Variants in SEPHS2 observed in about 807,000 individuals in gnomAD.
The protein encoded by SEPHS2 is selenophosphate synthetase 2.
In SEPHS2, 11 loss-of-function variants were observed where a neutral mutation model predicts 23.9. The ratio of observed to expected loss-of-function variants is 0.46; its 90% confidence interval spans 0.29 to 0.76. SEPHS2 has a LOEUF of 0.76. SEPHS2 is among the 30% of genes least tolerant of loss of function. The pLI is 0.10. For missense variants in SEPHS2, 541 were observed against 592.5 expected (o/e 0.91, Z 0.90); for synonymous variants, 239 against 247.5 (o/e 0.97, Z 0.32).
In SEPHS2 at chr16:30,445,695, T is replaced by C. The variant is rs933873406; in HGVS notation, c.33A>G (p.Gly11=). The C allele has an allele frequency of 1.3e-6, 2 of 1,538,640 alleles. No individual in the cohort carries two copies. Among genetic ancestry groups the C allele is most frequent in the Non-Finnish European group, 1.7e-6 (2 of 1,145,552 alleles). Residue 11 remains glycine, a synonymous_variant, in exon 1 of 1, where the codon GGA becomes GGG. Transcript: ENST00000478753. MAEASATGAC[G]EAMAAAEGSS... is the part of the protein sequence containing the mutation. ...AGCCTTCCGCCGCTGCCATCGCCTC[T>C]CCGCAGGCGCCCGTCGCCGAGGCTT...
At position 30,445,107 on chromosome 16, in the gene SEPHS2, C is replaced by A; in HGVS notation, c.621G>T (p.Gly207=). ...CCGTTTGCCCACCGGTCACTGCCGT[C>A]CCTCCTTCCTCAGCCGCATCCCGAA... is the stretch of plus-strand genomic sequence containing the variant. ...KGFRDAAEEG[G]TAVTGGQTVV... is the part of the protein sequence containing the mutation. The change falls in exon 1 of 1, where the codon GGG becomes GGT. Residue 207 remains glycine, a synonymous_variant. Coordinates refer to ENST00000478753, the MANE Select transcript of SEPHS2 (RefSeq NM_012248.4). 1 of 1,602,046 alleles carries A rather than the reference C, an allele frequency of 6.2e-7. No homozygotes were observed. The highest frequency in any genetic ancestry group is 8.5e-7 in the Non-Finnish European group (1 of 1,172,406).
At position 30,444,495 on chromosome 16, in the gene SEPHS2, G is replaced by C. The variant is rs778217945; in HGVS notation, c.1233C>G (p.Asn411Lys). 6.2e-7 allele frequency: 1 copy of C among 1,611,030 alleles called. No individual in the cohort carries two copies. ...GCTTGTCAATGATCCGGGCCGTTCG[G>C]TTTCCCTTTTCCACAATGCCAACGA... ...AWIVGIVEKG[N>K]RTARIIDKPR... The change falls in exon 1 of 1, where the codon AAC becomes AAG. Residue 411 changes from asparagine (N) to lysine (K), a missense_variant. Transcript: ENST00000478753. The surrounding 1 kb of genome is among the most constrained non-coding windows in gnomAD (Gnocchi z 4.0).
chr16:30,445,399 G>A lies in SEPHS2; in HGVS notation c.329C>T (p.Pro110Leu), dbSNP rs757450317. 90 of 1,601,626 alleles carry A rather than the reference G, an allele frequency of 5.6e-5. No individual in the cohort carries two copies. Among genetic ancestry groups the A allele is most frequent in the Non-Finnish European group, 7.0e-5 (82 of 1,176,116 alleles). The change falls in exon 1 of 1, where the codon CCC becomes CTC. Residue 110 changes from proline to leucine, a missense_variant. Pro to Leu is a moderately conservative substitution (Grantham distance 98, BLOSUM62 -3). Transcript: ENST00000478753. ...CCCGATGCCCAGGGCTGGAAAGGTG[G>A]GGCTGGGGCCCGCTCCTGCCGGCAG... ...AGLPAGAGPS[P>L]TFPALGIGMD... is the part of the protein sequence containing the mutation.
chr16:30,445,762 G>C lies in SEPHS2; in HGVS notation c.-35C>G. ...CCGGCAGGGAAGCGAGAGGAGAAGAGGGCCCTTTTATTTTCCACTCAGATT... is the reference window on the plus strand; with the variant it reads ...CCGGCAGGGAAGCGAGAGGAGAAGACGGCCCTTTTATTTTCCACTCAGATT... On this transcript the variant is annotated 5_prime_UTR_variant, in exon 1 of 1. Transcript: ENST00000478753. 1 of 1,522,290 alleles carries C rather than the reference G, an allele frequency of 6.6e-7. No individual in the cohort carries two copies. Among genetic ancestry groups the C allele is most frequent in the Non-Finnish European group, 8.8e-7 (1 of 1,137,060 alleles). 94.3% of individuals were successfully genotyped at this position (1,522,290 alleles called of 1,614,324 possible).
chr16:30,444,667 C>G lies in SEPHS2; in HGVS notation c.1061G>C (p.Ser354Thr). Residue 354 changes from serine (S) to threonine (T), a missense_variant, in exon 1 of 1, where the codon AGC (serine) becomes ACC (threonine). By Grantham distance (58) the Ser-to-Thr change is moderately conservative (BLOSUM62 1). This residue lies in a region of SEPHS2 where 224 missense variants were observed against 237.4 expected (regional missense o/e 0.94). Transcript: ENST00000478753. This position sits in a 1 kb window ranked among gnomAD's most constrained non-coding sequence, Gnocchi z 4.0. Reference protein sequence around the residue: ...LPIIAKMAAVSKASGRFGLLQ... With the variant: ...LPIIAKMAAVTKASGRFGLLQ... ...AAGCCCAAACCGTCCACTGGCCTTG[C>G]TGACGGCAGCCATCTTGGCAATTAT... 8 of 1,610,552 alleles carry G rather than the reference C, an allele frequency of 5.0e-6. No individual in the cohort carries two copies.
In SEPHS2 at chr16:30,445,638, C is replaced by A; in HGVS notation, c.90G>T (p.Arg30=). The A allele has an allele frequency of 6.5e-7, 1 of 1,534,616 alleles. No homozygotes were observed. The highest frequency in any genetic ancestry group is 8.7e-7 in the Non-Finnish European group (1 of 1,145,926). ...CGAAGGGCCGGTAGTTCGAGAAGCT[C>A]CGGCCCAGAGTCAAGCCCGCCGGGC... The part of the protein sequence containing the change: ...SSGPAGLTLG[R]SFSNYRPFEP... Residue 30 remains arginine, a synonymous_variant, in exon 1 of 1, where the codon CGG becomes CGT. Transcript: ENST00000478753.
In SEPHS2 at chr16:30,445,630, G is replaced by C. The variant is rs1372182077; in HGVS notation, c.98C>G (p.Ser33Trp). ...PAGLTLGRSF[S>W]NYRPFEPQAL... is the part of the protein sequence containing the mutation. ...CTGGGGCTCGAAGGGCCGGTAGTTCGAGAAGCTCCGGCCCAGAGTCAAGCC... is the reference window on the plus strand; with the variant it reads ...CTGGGGCTCGAAGGGCCGGTAGTTCCAGAAGCTCCGGCCCAGAGTCAAGCC... Residue 33 changes from serine to tryptophan, a missense_variant, in exon 1 of 1, where the codon TCG becomes TGG. Ser to Trp is a radical substitution (Grantham distance 177). Around this residue, in one of 3 missense-constraint regions of SEPHS2, gnomAD observed 207 missense variants for 182.2 expected, o/e 1.14. Coordinates refer to ENST00000478753, the MANE Select transcript of SEPHS2 (RefSeq NM_012248.4). 3 of 1,534,522 alleles carry C rather than the reference G, an allele frequency of 2.0e-6. No homozygotes were observed. Among genetic ancestry groups the C allele is most frequent in the African/African-American group, 2.7e-5 (2 of 72,882 alleles).
Position 30,445,846 on chromosome 16 carries a change from G to A in SEPHS2, c.-119C>T, listed in dbSNP as rs767460308. ...GATTCTCCCTAGCGCTACTCAAGCCGTCAGACCCACGGCATGCACAATCTT... is the reference window on the plus strand; with the variant it reads ...GATTCTCCCTAGCGCTACTCAAGCCATCAGACCCACGGCATGCACAATCTT... On this transcript the variant is annotated 5_prime_UTR_variant, in exon 1 of 1. The change creates a new upstream start codon in the 5' untranslated region. Coordinates refer to ENST00000478753, the MANE Select transcript of SEPHS2 (RefSeq NM_012248.4). The A allele has an allele frequency of 1.4e-5, 19 of 1,314,086 alleles. No individual in the cohort carries two copies. The highest frequency in any genetic ancestry group is 4.7e-5 in the African/African-American group (3 of 63,630). The allele number at this position is 1,314,086 out of a possible 1,614,324, so 81.4% of individuals were successfully genotyped here. A position where few individuals can be genotyped will look rare whatever the true frequency, so the allele number is the denominator to read the frequency against.
In SEPHS2 at chr16:30,445,410, C is replaced by A. The variant is rs1164570746; in HGVS notation, c.318G>T (p.Ala106=). 1 of 1,592,304 alleles carries A rather than the reference C, an allele frequency of 6.3e-7. No individual in the cohort carries two copies. ...GGGCTGGAAAGGTGGGGCTGGGGCC[C>A]GCTCCTGCCGGCAGGCCGGCTTCCT... ...ASQEAGLPAG[A]GPSPTFPALG... Residue 106 remains alanine (A), a synonymous_variant, in exon 1 of 1, where the codon GCG becomes GCT. Coordinates refer to ENST00000478753, the MANE Select transcript of SEPHS2 (RefSeq NM_012248.4).
Position 30,445,101 on chromosome 16 carries a change from T to A in SEPHS2, c.627A>T (p.Ala209=). The A allele has an allele frequency of 6.3e-7, 1 of 1,599,724 alleles. No homozygotes were observed. The highest frequency in any genetic ancestry group is 1.1e-5 in the South Asian group (1 of 88,774). ...FRDAAEEGGT[A]VTGGQTVVNP... ...TGACCACCGTTTGCCCACCGGTCAC[T>A]GCCGTCCCTCCTTCCTCAGCCGCAT... The change falls in exon 1 of 1, where the codon GCA becomes GCT. Residue 209 remains alanine, a synonymous_variant. Coordinates refer to ENST00000478753, the MANE Select transcript of SEPHS2 (RefSeq NM_012248.4).
In SEPHS2 at chr16:30,444,317, C is replaced by A; in HGVS notation, c.*64G>T. On this transcript the variant is annotated 3_prime_UTR_variant, in exon 1 of 1. Transcript: ENST00000478753. This position sits in a 1 kb window ranked among gnomAD's most constrained non-coding sequence, Gnocchi z 4.0. ...CTTTGGAAATTTCTTACAATCAACT[C>A]TTGAGAACCATCCGTGATTGTGGAC... The A allele has an allele frequency of 1.3e-6, 2 of 1,496,914 alleles. No individual in the cohort carries two copies. The highest frequency in any genetic ancestry group is 1.4e-5 in the African/African-American group (1 of 71,534). The allele number at this position is 1,496,914 out of a possible 1,614,324, so 92.7% of individuals were successfully genotyped here.
In SEPHS2 at chr16:30,445,835, C is replaced by A. The variant is rs1005775548; in HGVS notation, c.-108G>T. 1.6e-5 allele frequency: 22 copies of A among 1,378,396 alleles called. No individual in the cohort carries two copies. The highest frequency in any genetic ancestry group is 2.8e-5 in the East Asian group (1 of 35,524). The allele number at this position is 1,378,396 out of a possible 1,614,324, so 85.4% of individuals were successfully genotyped here. A position where few individuals can be genotyped will look rare whatever the true frequency, so the allele number is the denominator to read the frequency against. On this transcript the variant is annotated 5_prime_UTR_variant, in exon 1 of 1. Coordinates refer to ENST00000478753, the MANE Select transcript of SEPHS2 (RefSeq NM_012248.4). The stretch of plus-strand genomic sequence containing the variant: ...TTACCTGCAGGGATTCTCCCTAGCG[C>A]TACTCAAGCCGTCAGACCCACGGCA...
Position 30,445,534 on chromosome 16 carries a change from G to T in SEPHS2, c.194C>A (p.Pro65Gln). 6.5e-7 allele frequency: 1 copy of T among 1,535,002 alleles called. No homozygotes were observed. The highest frequency in any genetic ancestry group is 2.4e-5 in the East Asian group (1 of 41,086). ...CAGGAGTTTGAGCAGCGCCTCCTGC[G>T]GGACCTTGCAGCCTCAGCCCTTCAT... ...SGMKGUGCKV[P>Q]QEALLKLLAG... Residue 65 changes from proline to glutamine, a missense_variant, in exon 1 of 1, where the codon CCG becomes CAG. Physicochemically the swap from Pro to Gln is moderately conservative, Grantham distance 76. Coordinates refer to ENST00000478753, the MANE Select transcript of SEPHS2 (RefSeq NM_012248.4).
chr16:30,444,940 T>A lies in SEPHS2; in HGVS notation c.788A>T (p.His263Leu). Reference sequence around the variant, plus strand: ...TCTTTCAGGATTATCCAGCCATTGGTGGGCATTGACAGCAACCTGGGTTCC... The same window carrying A: ...TCTTTCAGGATTATCCAGCCATTGGAGGGCATTGACAGCAACCTGGGTTCC... Reference protein sequence around the residue: ...PLGTQVAVNAHQWLDNPERWN... With the variant: ...PLGTQVAVNALQWLDNPERWN... Residue 263 changes from histidine (H) to leucine (L), a missense_variant, in exon 1 of 1, where the codon CAC (histidine) becomes CTC (leucine). This residue lies in a region of SEPHS2 where 224 missense variants were observed against 237.4 expected (regional missense o/e 0.94). Transcript: ENST00000478753. The surrounding 1 kb of genome is among the most constrained non-coding windows in gnomAD (Gnocchi z 4.0). 1 of 1,614,168 alleles carries A rather than the reference T, an allele frequency of 6.2e-7. No homozygotes were observed. The highest frequency in any genetic ancestry group is 8.5e-7 in the Non-Finnish European group (1 of 1,180,044).
In SEPHS2 at chr16:30,444,819, T is replaced by G; in HGVS notation, c.909A>C (p.Ala303=). The stretch of plus-strand genomic sequence containing the variant: ...GGGCATTAAATGTGTGCATTAAACC[T>G]GCAGCAGTTCTGTTGAGGGTAGCCA... The part of the protein sequence containing the change: ...FNMATLNRTA[A]GLMHTFNAHA... Residue 303 remains alanine (A), a synonymous_variant, in exon 1 of 1, where the codon GCA becomes GCC. Transcript: ENST00000478753. This position sits in a 1 kb window ranked among gnomAD's most constrained non-coding sequence, Gnocchi z 4.0. 1.2e-6 allele frequency: 2 copies of G among 1,614,218 alleles called. No individual in the cohort carries two copies. The highest frequency in any genetic ancestry group is 1.7e-6 in the Non-Finnish European group (2 of 1,180,026).
Position 30,445,338 on chromosome 16 carries a change from G to A in SEPHS2, c.390C>T (p.Gly130=). ...AGTCCGTGGTCTGCACCAGTGACAG[G>A]CCCCCGTGCCTCAGGGGGATGACGC... The part of the protein sequence containing the change: ...DSCVIPLRHG[G]LSLVQTTDFF... The change falls in exon 1 of 1, where the codon GGC becomes GGT. Residue 130 remains glycine (G), a synonymous_variant. Coordinates refer to ENST00000478753, the MANE Select transcript of SEPHS2 (RefSeq NM_012248.4). The A allele has an allele frequency of 6.2e-7, 1 of 1,613,090 alleles. No individual in the cohort carries two copies. Among genetic ancestry groups the A allele is most frequent in the South Asian group, 1.1e-5 (1 of 91,024 alleles).
In SEPHS2 at chr16:30,444,818, C is replaced by T. The variant is rs1305622731; in HGVS notation, c.910G>A (p.Gly304Ser). Residue 304 changes from glycine (G) to serine (S), a missense_variant, in exon 1 of 1, where the codon GGT becomes AGT. By Grantham distance (56) the Gly-to-Ser change is moderately conservative. Around this residue, in one of 3 missense-constraint regions of SEPHS2, gnomAD observed 224 missense variants for 237.4 expected, o/e 0.94. Coordinates refer to ENST00000478753, the MANE Select transcript of SEPHS2 (RefSeq NM_012248.4). The surrounding 1 kb of genome is among the most constrained non-coding windows in gnomAD (Gnocchi z 4.0). ...NMATLNRTAA[G>S]LMHTFNAHAA... is the part of the protein sequence containing the mutation. ...TGGGCATTAAATGTGTGCATTAAAC[C>T]TGCAGCAGTTCTGTTGAGGGTAGCC... 6.2e-7 allele frequency: 1 copy of T among 1,614,180 alleles called. No homozygotes were observed. The highest frequency in any genetic ancestry group is 1.1e-5 in the South Asian group (1 of 91,088).
rs2050267496 is a variant in SEPHS2, at chr16:30,444,274, C to T, written c.*107G>A. On this transcript the variant is annotated 3_prime_UTR_variant, in exon 1 of 1. Coordinates refer to ENST00000478753, the MANE Select transcript of SEPHS2 (RefSeq NM_012248.4). This position sits in a 1 kb window ranked among gnomAD's most constrained non-coding sequence, Gnocchi z 4.0. ...ATCACCTAGAAAGGGCAGCCGGAAC[C>T]ACTATGCAGGCAGCCTTCTTTGGAA... The T allele has an allele frequency of 1.7e-6, 2 of 1,171,942 alleles. No individual in the cohort carries two copies. The highest frequency in any genetic ancestry group is 1.5e-5 in the African/African-American group (1 of 65,060). 72.6% of individuals were successfully genotyped at this position (1,171,942 alleles called of 1,614,324 possible). A position where few individuals can be genotyped will look rare whatever the true frequency, so the allele number is the denominator to read the frequency against.
Position 30,445,389 on chromosome 16 carries a change from T to C in SEPHS2, c.339A>G (p.Pro113=), listed in dbSNP as rs777760604. ...AGGAGTCCATCCCGATGCCCAGGGC[T>C]GGAAAGGTGGGGCTGGGGCCCGCTC... ...PAGAGPSPTF[P]ALGIGMDSCV... Residue 113 remains proline, a synonymous_variant, in exon 1 of 1, where the codon CCA becomes CCG. Coordinates refer to ENST00000478753, the MANE Select transcript of SEPHS2 (RefSeq NM_012248.4). 6.2e-6 allele frequency: 10 copies of C among 1,605,878 alleles called. No homozygotes were observed. Among genetic ancestry groups the C allele is most frequent in the Non-Finnish European group, 8.5e-6 (10 of 1,177,466 alleles).
Sources: allele counts gnomAD v4.1 joint callset, GRCh38; gene constraint gnomAD v4.1.1; regional missense constraint gnomAD v4.1.1; non-coding constraint Gnocchi (gnomAD v3.1); transcripts MANE v1.5; gene names NCBI Gene and HGNC (gene_info 2026-07-23, HGNC 2026-07-21).